Variants in LRMDA observed in about 807,000 individuals in gnomAD.
LRMDA encodes the protein leucine rich melanocyte differentiation associated.
In LRMDA, 18 loss-of-function variants were observed where a neutral mutation model predicts 29.8. The observed-to-expected ratio is 0.60, with a 90% CI of 0.42 to 0.90. LRMDA has a LOEUF of 0.90. LRMDA is among the 40% of genes least tolerant of loss of function. The probability of loss-of-function intolerance (pLI) is 0.00; values close to 1 mark genes in which losing one functional copy is unlikely to be tolerated. For missense variants in LRMDA, 273 were observed against 273.9 expected (o/e 1.00, Z 0.02); for synonymous variants, 125 against 109.4 (o/e 1.14, Z -0.89).
At chr10:76,209,632 A>C (rs1035058542) in intron 5 of LRMDA, among the ~76,000 whole-genome samples, 1 of 152,120 alleles carries the variant, frequency 6.6e-6, no homozygotes, top group Admixed American at 6.5e-5. Context: ...TAAGGATTTG[A>C]TCTCTTCTAA....
intron 2 of LRMDA, among the ~76,000 whole-genome samples, chr10:75,728,853 T>G (rs558312843): frequency 2.6e-5 from 4 of 152,044 alleles, no homozygotes; most frequent in African/African-American, 9.7e-5. Flanking sequence ...AGTTGGTCTG[T>G]GTGTGTGTGA....
At chr10:75,944,352 A>G (rs59479763) in intron 2 of LRMDA, among the ~76,000 whole-genome samples, 2,810 of 152,100 alleles carry the variant, frequency 0.018, 66 homozygotes, top group East Asian at 0.07. Context: ...TGATTTTCAG[A>G]ATTCAGAGGT....
intron 6 of LRMDA, among the ~76,000 whole-genome samples, chr10:76,515,560 C>T (rs995451436): frequency 2.6e-5 from 4 of 152,068 alleles, no homozygotes; most frequent in African/African-American, 9.7e-5. Flanking sequence ...GGCTGGAGTA[C>T]AGTGGCATGA....
At chr10:75,805,868 T>C (rs996280185) in intron 2 of LRMDA, among the ~76,000 whole-genome samples, 1 of 152,178 alleles carries the variant, frequency 6.6e-6, no homozygotes, top group Non-Finnish European at 1.5e-5. Context: ...GATATACTGA[T>C]ACTTTATAAT....
chr10:75,935,112 C>T (rs1488694198), intron 2 of LRMDA, among the ~76,000 whole-genome samples: 1 of 152,080 alleles, frequency 6.6e-6, no homozygotes, highest in Non-Finnish European at 1.5e-5. Flanking sequence ...AATCCTTTTT[C>T]TTTCCCGTCT....
chr10:76,331,468 G>T (rs1333400368), intron 6 of LRMDA, among the ~76,000 whole-genome samples: 2 of 152,114 alleles, frequency 1.3e-5, no homozygotes, highest in African/African-American at 4.8e-5. Context: ...AATTGTCAAT[G>T]ACTCATTGAA....
rs150773380 is a variant in LRMDA at position 76,231,441 on chromosome 10, A to T, written c.517-92960A>T. ...CAACAGCTGCCTGGCTGCTTAATAC[A>T]CAAGTGTGGAGAATGCAGAGAGACC... is the stretch of plus-strand genomic sequence containing the variant. On this transcript the variant is annotated intron_variant, in intron 5 of 6. Transcript: ENST00000611255. Among the ~76,000 whole-genome samples, 301 of 152,332 alleles carry T rather than the reference A, an allele frequency of 2.0e-3. 2 individuals are homozygous for T. Among genetic ancestry groups the T allele is most frequent in the African/African-American group, 6.4e-3 (267 of 41,590 alleles).
intron 5 of LRMDA, among the ~76,000 whole-genome samples, chr10:76,073,429 T>C (rs1848906176): frequency 6.6e-6 from 1 of 152,356 alleles, no homozygotes; most frequent in South Asian, 2.1e-4. Context: ...CTCAAATATA[T>C]TCTTTCTATG....
chr10:76,045,917 C>A (rs1447593765), intron 3 of LRMDA, among the ~76,000 whole-genome samples: 2 of 152,180 alleles, frequency 1.3e-5, no homozygotes, highest in Non-Finnish European at 1.5e-5. Flanking sequence ...ATGAGGAAAT[C>A]TGTGTAACAG....
rs116745657 is a variant in LRMDA, at chr10:75,767,816, G to A, written c.132-268192G>A. ...TATTCGCAAATGTGATTAAGTTAAC[G>A]ATCTTGGGCTGGAAAGATTCTCTTG... On this transcript the variant is annotated intron_variant, in intron 2 of 6. Coordinates refer to ENST00000611255, the MANE Select transcript of LRMDA (RefSeq NM_001305581.2). Among the ~76,000 whole-genome samples the A allele has an allele frequency of 3.9e-3, 598 of 152,284 alleles. 4 individuals are homozygous for A. Among genetic ancestry groups the A allele is most frequent in the African/African-American group, 0.012 (481 of 41,556 alleles).
chr10:76,201,544 A>C (rs1373973484), intron 5 of LRMDA, among the ~76,000 whole-genome samples: 1 of 152,232 alleles, frequency 6.6e-6, no homozygotes, highest in Non-Finnish European at 1.5e-5. Flanking sequence ...AGTCCCTGTT[A>C]GCCACAATGC....
intron 2 of LRMDA, among the ~76,000 whole-genome samples, chr10:75,560,697 A>C (rs1589184289): frequency 6.7e-6 from 1 of 150,174 alleles, no homozygotes. Flanking sequence ...TATTATTTTG[A>C]GATATGTCCC....
At chr10:76,100,770 G>C (rs959380216) in intron 5 of LRMDA, among the ~76,000 whole-genome samples, 1 of 152,144 alleles carries the variant, frequency 6.6e-6, no homozygotes, top group Non-Finnish European at 1.5e-5. Flanking sequence ...ATTTTGAAGA[G>C]CTCTCTGCCT....
intron 2 of LRMDA, among the ~76,000 whole-genome samples, chr10:75,869,156 CATCCACTAGCTCTTTG>C (rs1845068166): frequency 1.3e-5 from 2 of 152,208 alleles, no homozygotes; most frequent in African/African-American, 4.8e-5. Context: ...AACATTTTCA[CATCCACTAGCTCTTTG>C]ATCCTATAAC....
chr10:75,695,315 C>G (rs1842220360), intron 2 of LRMDA, among the ~76,000 whole-genome samples: 1 of 152,138 alleles, frequency 6.6e-6, no homozygotes, highest in South Asian at 2.1e-4. Context: ...AATTATCTAT[C>G]AGTTCATTAA....
chr10:76,047,050 C>T (rs1848450741), intron 3 of LRMDA, 114 bp from the exon 4 acceptor site: 2 of 1,148,832 alleles, frequency 1.7e-6, no homozygotes, highest in Admixed American at 2.2e-5. Flanking sequence ...GATTTCAGCC[C>T]CCACCCTGAG....
intron 6 of LRMDA, among the ~76,000 whole-genome samples, chr10:76,365,534 A>G (rs1417939218): frequency 6.6e-6 from 1 of 152,032 alleles, no homozygotes; most frequent in Admixed American, 6.6e-5. Flanking sequence ...TTTGTTGGCC[A>G]TTTGTATATC....
At chr10:76,318,097 TG>T (rs368016753) in intron 5 of LRMDA, among the ~76,000 whole-genome samples, 1 of 152,340 alleles carries the variant, frequency 6.6e-6, no homozygotes, top group Non-Finnish European at 1.5e-5. Context: ...GTTTTATTTT[TG>T]TCTTCTGTTA....
At chr10:76,372,189 A>C (rs1841462387) in intron 6 of LRMDA, among the ~76,000 whole-genome samples, 2 of 152,324 alleles carry the variant, frequency 1.3e-5, no homozygotes, top group South Asian at 4.1e-4. Flanking sequence ...CTTAAAATGC[A>C]GGGGCACCTA....
Sources: allele counts gnomAD v4.1 joint callset (sites outside exome capture counted in the v4.1 genomes callset), GRCh38; gene constraint gnomAD v4.1.1; transcripts MANE v1.5; gene names NCBI Gene and HGNC (gene_info 2026-07-23, HGNC 2026-07-21).